Variants in WDR72 observed in about 807,000 individuals in gnomAD.
The protein encoded by WDR72 is WD repeat domain 72.
A neutral mutation model predicts 124.2 loss-of-function variants in WDR72; 120 were observed. The observed-to-expected ratio is 0.97, with a 90% CI of 0.83 to 1.12. The LOEUF is 1.12. WDR72 is among the 50% of genes most tolerant of loss of function. The probability of loss-of-function intolerance (pLI) is 0.00; values close to 1 mark genes in which losing one functional copy is unlikely to be tolerated. For synonymous variants in WDR72, 452 were observed against 441.7 expected (o/e 1.02, Z -0.29); for missense variants, 1,387 against 1,278.8 (o/e 1.08, Z -1.29).
At chr15:53,570,473 A>C (rs555182973) in intron 18 of WDR72, among the ~76,000 whole-genome samples, 1 of 152,248 alleles carries the variant, frequency 6.6e-6, no homozygotes, top group East Asian at 1.9e-4. Context: ...GGTGGCCAAT[A>C]AACATGAAAA....
intron 10 of WDR72, 107 bp from the exon 11 acceptor site, chr15:53,705,340 C>G: frequency 9.9e-7 from 1 of 1,009,722 alleles, no homozygotes; most frequent in Non-Finnish European, 1.5e-6. Context: ...AGTGTTACAG[C>G]CTATCCCAGA....
intron 18 of WDR72, among the ~76,000 whole-genome samples, chr15:53,565,322 C>G (rs1290751865): frequency 6.6e-6 from 1 of 151,770 alleles, no homozygotes; most frequent in Non-Finnish European, 1.5e-5. Context: ...ACTTTTTGAA[C>G]ACATGTGCAC....
intron 1 of WDR72, among the ~76,000 whole-genome samples, chr15:53,759,029 C>A (rs953893045): frequency 3.1e-4 from 47 of 152,098 alleles, no homozygotes; most frequent in African/African-American, 1.1e-3. Context: ...CTTGTCCCCG[C>A]AGTCTTTATT....
At chr15:53,587,984 T>C (rs1051916818) in intron 18 of WDR72, among the ~76,000 whole-genome samples, 1 of 152,018 alleles carries the variant, frequency 6.6e-6, no homozygotes, top group Non-Finnish European at 1.5e-5. Flanking sequence ...TCAGCATTAA[T>C]TTTTCCTGGT....
At chr15:53,604,717 A>G (rs7165282) in intron 17 of WDR72, among the ~76,000 whole-genome samples, 21,536 of 152,284 alleles carry the variant, frequency 0.14, 2,412 homozygotes, top group African/African-American at 0.31. Context: ...CAAAAATCAT[A>G]TGAAAGAAAG....
chr15:53,534,272 G>A (rs77144476), intron 18 of WDR72, among the ~76,000 whole-genome samples: 1,578 of 152,234 alleles, frequency 0.01, 27 homozygotes, highest in African/African-American at 0.036. Flanking sequence ...TGCACTGAAT[G>A]TTTATGTAGC....
chr15:53,754,484 G>A (rs866994020), intron 1 of WDR72, among the ~76,000 whole-genome samples: 1 of 151,984 alleles, frequency 6.6e-6, no homozygotes, highest in African/African-American at 2.4e-5. Context: ...AAAAAAATCC[G>A]TGGCAAAGGG....
chr15:53,717,804 A>G (rs930874970), intron 3 of WDR72, among the ~76,000 whole-genome samples: 1 of 152,134 alleles, frequency 6.6e-6, no homozygotes, highest in African/African-American at 2.4e-5. Flanking sequence ...TACACACAAA[A>G]TATTCATAGC....
At chr15:53,675,908 G>A (rs950006137) in intron 13 of WDR72, among the ~76,000 whole-genome samples, 2 of 151,988 alleles carry the variant, frequency 1.3e-5, no homozygotes, top group African/African-American at 4.8e-5. Context: ...AGAGATGAGA[G>A]TACCAAAACA....
chr15:53,689,509 C>A (rs1211178372), intron 13 of WDR72, among the ~76,000 whole-genome samples: 1 of 148,970 alleles, frequency 6.7e-6, no homozygotes, highest in African/African-American at 2.6e-5. Context: ...ATCAAAACCA[C>A]AATGAGATAC....
chr15:53,657,134 T>C (rs547713467), intron 14 of WDR72, among the ~76,000 whole-genome samples: 1 of 151,486 alleles, frequency 6.6e-6, no homozygotes, highest in African/African-American at 2.4e-5. Context: ...TGTGGTGGCA[T>C]GCACTTGTAG....
intron 12 of WDR72, among the ~76,000 whole-genome samples, chr15:53,700,404 G>T (rs937676925): frequency 1.7e-4 from 26 of 152,114 alleles, no homozygotes; most frequent in African/African-American, 6.3e-4. Context: ...AACTATACAG[G>T]TTCTAATCCA....
intron 1 of WDR72, among the ~76,000 whole-genome samples, chr15:53,751,747 C>T (rs973847923): frequency 3.3e-5 from 5 of 152,082 alleles, no homozygotes; most frequent in South Asian, 2.1e-4. Flanking sequence ...TGCACCCAGC[C>T]GTAATGAGTA....
At chr15:53,684,816 A>T (rs1026937429) in intron 13 of WDR72, among the ~76,000 whole-genome samples, 2 of 151,566 alleles carry the variant, frequency 1.3e-5, no homozygotes, top group South Asian at 2.1e-4. Flanking sequence ...TCCCTGTCTG[A>T]CAGCTTTGAA....
intron 6 of WDR72, among the ~76,000 whole-genome samples, chr15:53,714,134 G>A (rs1484504153): frequency 6.6e-6 from 1 of 151,366 alleles, no homozygotes; most frequent in Non-Finnish European, 1.5e-5. Context: ...CCTCTGTAAC[G>A]AACAGAGAGA....
Position 53,615,626 on chromosome 15 carries a change from T to C in WDR72, c.2580A>G (p.Val860=). 1.9e-6 allele frequency: 3 copies of C among 1,612,614 alleles called. No homozygotes were observed. Among genetic ancestry groups the C allele is most frequent in the Non-Finnish European group, 2.5e-6 (3 of 1,179,106 alleles). ...CCAAAACTTTCCTGGAAAATAAATTTACTCCTGAATAGTCTTTTATCATTC... is the reference window on the plus strand; with the variant it reads ...CCAAAACTTTCCTGGAAAATAAATTCACTCCTGAATAGTCTTTTATCATTC... ...NSGMIKDYSG[V]NLFSRKVLDL... The change falls in exon 15 of 20, where the codon GTA becomes GTG. Residue 860 remains valine (V), a synonymous_variant. Transcript: ENST00000360509.
Position 53,706,362 on chromosome 15 carries a change from A to ATATATATG in WDR72, c.955-289_955-288insCATATATA, listed in dbSNP as rs1567040155. On this transcript the variant is annotated intron_variant, in intron 9 of 19. Coordinates refer to ENST00000360509, the MANE Select transcript of WDR72 (RefSeq NM_182758.4). ...TGTGTGTGTGTGTGTATATATATATATATATATATATATATATATATATAT... is the reference window on the plus strand; with the variant it reads ...TGTGTGTGTGTGTGTATATATATATATATATATGTATATATATATATATATATATATAT... 2.0e-4 allele frequency among the ~76,000 whole-genome samples: 9 copies of ATATATATG among 43,940 alleles called. No individual in the cohort carries two copies. The South Asian group carries it at 5.6e-3, about 28-fold the overall frequency. 28.8% of individuals were successfully genotyped at this position (43,940 alleles called of 152,430 possible).
intron 14 of WDR72, among the ~76,000 whole-genome samples, chr15:53,643,184 T>C (rs1567000275): frequency 6.6e-6 from 1 of 152,154 alleles, no homozygotes; most frequent in Non-Finnish European, 1.5e-5. Flanking sequence ...ACCTTAGAAC[T>C]ATTTAGCCTA....
intron 18 of WDR72, among the ~76,000 whole-genome samples, chr15:53,594,126 A>C (rs2012647371): frequency 6.6e-6 from 1 of 152,110 alleles, no homozygotes; most frequent in African/African-American, 2.4e-5. Context: ...GAATATATTA[A>C]AAACTCAATA....
Sources: gnomAD v4.1 joint callset for allele counts (sites outside exome capture counted in the v4.1 genomes callset) on GRCh38, gnomAD v4.1.1 for gene constraint, MANE v1.5 for transcripts, NCBI Gene and HGNC (gene_info 2026-07-23, HGNC 2026-07-21) for gene names.